NAV2: variants seen among roughly 807,000 people sequenced by gnomAD.
The protein encoded by NAV2 is helicase, APC down-regulated 1.
Under a neutral mutation model 223.2 loss-of-function variants are expected in NAV2, and 54 were observed. That is an observed-to-expected ratio of 0.24 (90% CI 0.19 to 0.30). The LOEUF (loss-of-function observed/expected upper bound fraction) is 0.30, where lower values mean the gene tolerates loss of function less well. Among genes scored for constraint, NAV2 ranks in the 10% least tolerant of loss-of-function variants. NAV2 has a pLI of 1.00. For missense variants in NAV2, 2,806 were observed against 3,147.5 expected, an observed-to-expected ratio of 0.89 and a Z score of 2.60; for synonymous variants, 1,279 against 1,239.3, an observed-to-expected ratio of 1.03 and a Z score of -0.67.
At position 20,120,902 on chromosome 11, in the gene NAV2, T is replaced by C. The variant is rs78606106; in HGVS notation, c.*2644T>C. On this transcript the variant is annotated 3_prime_UTR_variant, in exon 38 of 38. Coordinates refer to ENST00000349880, the MANE Select transcript of NAV2 (RefSeq NM_145117.5). ...TCGGAAATGCTTCCATTTTGCCTTT[T>C]CTACAGTTAGGCCAATTTTGAAATA... is the stretch of plus-strand genomic sequence containing the variant. 0.062 allele frequency: 9,538 copies of C among 152,730 alleles called. 750 individuals carry two copies. The highest frequency in any genetic ancestry group is 0.38 in the East Asian group (1,958 of 5,174). 9.5% of individuals were successfully genotyped at this position (152,730 alleles called of 1,614,324 possible). A position where few individuals can be genotyped will look rare whatever the true frequency, so the allele number is the denominator to read the frequency against.
At position 19,691,563 on chromosome 11, in the gene NAV2, T is replaced by TTTTA. The variant is rs1286229398; in HGVS notation, c.76-140905_76-140902dup. Among the ~76,000 whole-genome samples, 478 of 152,190 alleles carry TTTTA rather than the reference T, an allele frequency of 3.1e-3. 3 individuals are homozygous for TTTTA. The highest frequency in any genetic ancestry group is 0.011 in the African/African-American group (452 of 41,546). ...ACCACACCATCTTTTTTATTTTTAT[T>TTTTA]TTTATTTATTTATTTATTTTTGGAG... On this transcript the variant is annotated intron_variant, in intron 1 of 37. Coordinates refer to the NAV2 transcript ENST00000360655.
chr11:19,408,933 A>T (rs1389256157), intron 1 of NAV2, among the ~76,000 whole-genome samples: 3 of 148,258 alleles, frequency 2.0e-5, no homozygotes, highest in Non-Finnish European at 4.5e-5. Flanking sequence ...AGAAGTGGAT[A>T]GAGTTCCCTC....
chr11:20,049,183 C>T lies in NAV2; in HGVS notation c.4358C>T (p.Thr1453Ile), dbSNP rs2057739675. 6.3e-7 allele frequency: 1 copy of T among 1,595,298 alleles called. No individual in the cohort carries two copies. The highest frequency in any genetic ancestry group is 1.7e-5 in the Admixed American group (1 of 58,686). The stretch of plus-strand genomic sequence containing the variant: ...GTCAGAACTAACAGTGTGAAGACCA[C>T]ACTGTCAGAAAGGTTGGTGCTGTGC... ...PFVRTNSVKT[T>I]LSESPLSSPA... The change falls in exon 15 of 38, where the codon ACA becomes ATA. Residue 1453 changes from threonine (T) to isoleucine (I), a missense_variant. This residue lies in a region of NAV2 where 742 missense variants were observed against 777.9 expected (regional missense o/e 0.95). Coordinates refer to ENST00000349880, the MANE Select transcript of NAV2 (RefSeq NM_145117.5).
chr11:20,043,017 G>T (rs2057076882), intron 12 of NAV2, among the ~76,000 whole-genome samples: 1 of 152,188 alleles, frequency 6.6e-6, no homozygotes, highest in African/African-American at 2.4e-5. Flanking sequence ...TCCCTTGTCA[G>T]AACAAAATCC....
intron 1 of NAV2, among the ~76,000 whole-genome samples, chr11:19,787,404 C>G (rs1415264529): frequency 2.7e-5 from 4 of 150,604 alleles, no homozygotes. Context: ...ACGTGAACCA[C>G]TGCACCCGGT....
At chr11:19,447,332 G>A (rs546322048) in intron 1 of NAV2, among the ~76,000 whole-genome samples, 6 of 152,244 alleles carry the variant, frequency 3.9e-5, no homozygotes, top group East Asian at 1.9e-4. Flanking sequence ...ACCTTGCTTC[G>A]TGGTTTCCAA....
intron 24 of NAV2, among the ~76,000 whole-genome samples, chr11:20,079,444 T>A (rs911501418): frequency 8.5e-5 from 13 of 152,196 alleles, no homozygotes; most frequent in Non-Finnish European, 1.6e-4. Context: ...GACCAGCCTT[T>A]AGGTGTAGTT....
chr11:19,492,388 C>T (rs1020859377), intron 1 of NAV2, among the ~76,000 whole-genome samples: 3 of 152,052 alleles, frequency 2.0e-5, no homozygotes, highest in African/African-American at 7.2e-5. Flanking sequence ...TGGATATGTC[C>T]CTAAATTTAC....
intron 1 of NAV2, chr11:19,351,046 T>G (rs1297708063): frequency 6.5e-7 from 1 of 1,526,932 alleles, no homozygotes; most frequent in East Asian, 2.5e-5. Flanking sequence ...CAGAACTTTG[T>G]TGGTTGATTG....
chr11:19,628,549 C>T (rs117800076), intron 1 of NAV2, among the ~76,000 whole-genome samples: 1,575 of 152,290 alleles, frequency 0.01, 23 homozygotes, highest in Non-Finnish European at 0.018. Context: ...CATGCATCCA[C>T]GCTCACGTGG....
intron 30 of NAV2, 110 bp from the exon 31 acceptor site, chr11:20,097,467 G>T: frequency 1.1e-6 from 1 of 914,262 alleles, no homozygotes; most frequent in Non-Finnish European, 1.5e-6. Context: ...TTTCAACTCA[G>T]ACATCTGAGA....
intron 6 of NAV2, among the ~76,000 whole-genome samples, chr11:19,898,303 C>G (rs1043868130): frequency 7.2e-5 from 11 of 152,214 alleles, no homozygotes; most frequent in Non-Finnish European, 1.5e-4. Context: ...CTACATAGCC[C>G]CACCTCCTAG....
At chr11:19,569,546 G>A (rs1388843208) in intron 1 of NAV2, among the ~76,000 whole-genome samples, 1 of 152,084 alleles carries the variant, frequency 6.6e-6, no homozygotes, top group Non-Finnish European at 1.5e-5. Flanking sequence ...CCTGCCTTCT[G>A]CCTCAAACTA....
chr11:19,861,071 G>A (rs1387100166), intron 3 of NAV2, among the ~76,000 whole-genome samples: 6 of 145,752 alleles, frequency 4.1e-5, no homozygotes, highest in Non-Finnish European at 6.0e-5. Flanking sequence ...AAAGGGAGAG[G>A]GCCAAAGTCA....
intron 1 of NAV2, among the ~76,000 whole-genome samples, chr11:19,796,682 G>T (rs1373659887): frequency 6.6e-6 from 1 of 152,154 alleles, no homozygotes; most frequent in Non-Finnish European, 1.5e-5. Context: ...GTGGAGATAG[G>T]TTGGTAGCAT....
At chr11:19,536,703 T>G (rs1303146987) in intron 1 of NAV2, among the ~76,000 whole-genome samples, 1 of 152,190 alleles carries the variant, frequency 6.6e-6, no homozygotes, top group Non-Finnish European at 1.5e-5. Context: ...GTGGGCAGAC[T>G]CCAAATGTGG....
intron 10 of NAV2, among the ~76,000 whole-genome samples, chr11:19,971,617 A>G (rs1437705986): frequency 6.6e-6 from 1 of 152,178 alleles, no homozygotes; most frequent in African/African-American, 2.4e-5. Flanking sequence ...TTAATATGGA[A>G]ATCTGGTACC....
chr11:19,821,071 G>A (rs1033061165), intron 1 of NAV2, among the ~76,000 whole-genome samples: 7 of 152,116 alleles, frequency 4.6e-5, no homozygotes, highest in Non-Finnish European at 1.0e-4. Flanking sequence ...GACCATCCTG[G>A]CTAACACGGT....
chr11:19,641,929 T>C (rs902092297), intron 1 of NAV2, among the ~76,000 whole-genome samples: 7 of 152,208 alleles, frequency 4.6e-5, no homozygotes, highest in Non-Finnish European at 1.0e-4. Context: ...CCCTCCCATT[T>C]CTACCTAAAA....
Sources: allele counts gnomAD v4.1 joint callset (sites outside exome capture counted in the v4.1 genomes callset), GRCh38; gene constraint gnomAD v4.1.1; regional missense constraint gnomAD v4.1.1; transcripts MANE v1.5; gene names NCBI Gene and HGNC (gene_info 2026-07-23, HGNC 2026-07-21).